Variants in BCL2 observed in about 807,000 individuals in gnomAD.
BCL2 encodes the protein BCL2 apoptosis regulator.
In BCL2, 1 loss-of-function variant was observed where a neutral mutation model predicts 14.2. The observed-to-expected ratio is 0.07, with a 90% CI of 0.02 to 0.33. BCL2 has a LOEUF of 0.33. BCL2 is among the 10% of genes least tolerant of loss of function. The pLI, the probability that BCL2 is intolerant of heterozygous loss-of-function variation, is 0.99. For synonymous variants in BCL2, 151 were observed against 137.2 expected (o/e 1.10, Z -0.70); for missense variants, 247 against 305.9 (o/e 0.81, Z 1.44).
chr18:63,134,861 T>C (rs560023445), intron 2 of BCL2, among the ~76,000 whole-genome samples: 1 of 152,318 alleles, frequency 6.6e-6, no homozygotes, highest in African/African-American at 2.4e-5. Context: ...CGAATGACTT[T>C]GATATTTTCT....
intron 2 of BCL2, among the ~76,000 whole-genome samples, chr18:63,183,946 C>G (rs1207928294): frequency 6.6e-6 from 1 of 152,178 alleles, no homozygotes; most frequent in Non-Finnish European, 1.5e-5. Context: ...GTGGAAGGAG[C>G]CTGCATGGGG....
intron 2 of BCL2, chr18:63,317,778 T>C: frequency 8.1e-7 from 1 of 1,239,140 alleles, no homozygotes; most frequent in Non-Finnish European, 1.0e-6. Context: ...TCCTGGACCT[T>C]CAGCTTGAGA....
chr18:63,302,861 A>G (rs1913008041), intron 2 of BCL2: 5 of 985,430 alleles, frequency 5.1e-6, no homozygotes, highest in South Asian at 4.7e-5. Context: ...TTCAAATGTT[A>G]TTATGGAAAC....
rs79721609 is a variant in BCL2 at position 63,295,419 on chromosome 18, A to C, written c.585+22663T>G. Among the ~76,000 whole-genome samples, 373 of 152,306 alleles carry C rather than the reference A, an allele frequency of 2.4e-3. 1 individual carries two copies. Among genetic ancestry groups the C allele is most frequent in the Non-Finnish European group, 3.7e-3 (255 of 68,026 alleles). ...CAGTGCCCCCAGCACATCAGACAGC[A>C]GAAAGAGCAGCAGTGAGAAGCAAAA... On this transcript the variant is annotated intron_variant, in intron 2 of 2. Coordinates refer to ENST00000333681, the MANE Select transcript of BCL2 (RefSeq NM_000633.3).
intron 2 of BCL2, among the ~76,000 whole-genome samples, chr18:63,197,866 T>C (rs1360518581): frequency 6.6e-6 from 1 of 151,482 alleles, no homozygotes; most frequent in Non-Finnish European, 1.5e-5. Context: ...CAAATGGGAG[T>C]GGAGAGTAGA....
chr18:63,250,033 C>T (rs756415455), intron 2 of BCL2, among the ~76,000 whole-genome samples: 13 of 152,094 alleles, frequency 8.5e-5, no homozygotes, highest in Non-Finnish European at 1.9e-4. Context: ...ACCAGGAAGC[C>T]CAAGACCACA....
intron 2 of BCL2, among the ~76,000 whole-genome samples, chr18:63,158,720 T>C (rs1914845111): frequency 6.6e-6 from 1 of 152,196 alleles, no homozygotes; most frequent in African/African-American, 2.4e-5. Context: ...TTATCATATA[T>C]AATGACACAC....
chr18:63,202,753 T>C (rs1349564027), intron 2 of BCL2, among the ~76,000 whole-genome samples: 2 of 152,366 alleles, frequency 1.3e-5, no homozygotes, highest in East Asian at 1.9e-4. Context: ...CAGTACCATA[T>C]GCACAGGCTT....
At chr18:63,193,600 G>C (rs1457856441) in intron 2 of BCL2, among the ~76,000 whole-genome samples, 1 of 150,154 alleles carries the variant, frequency 6.7e-6, no homozygotes, top group African/African-American at 2.5e-5. Context: ...GTGTGTGTGT[G>C]TGTGTGTGTG....
intron 2 of BCL2, among the ~76,000 whole-genome samples, chr18:63,169,316 C>CT (rs1568222507): frequency 0.026 from 1,969 of 75,990 alleles, 203 homozygotes; most frequent in East Asian, 0.066. Context: ...TTCTTCCTTC[C>CT]TTCCTTCTTT....
intron 2 of BCL2, among the ~76,000 whole-genome samples, chr18:63,284,426 A>G (rs1912405611): frequency 6.6e-6 from 1 of 152,214 alleles, no homozygotes; most frequent in African/African-American, 2.4e-5. Context: ...GTGTGTGCTA[A>G]GCACAGTCCC....
In BCL2 at chr18:63,318,034, C is replaced by T. The variant is rs757005204; in HGVS notation, c.585+48G>A. ...CCCACCCGCACTCCAACCCCCGCAT[C>T]TCGGACCTGTGGCCTCAGCCCAGAC... On this transcript the variant is annotated intron_variant, in intron 2 of 2. Coordinates refer to ENST00000333681, the MANE Select transcript of BCL2 (RefSeq NM_000633.3). This position sits in a 1 kb window ranked among gnomAD's most constrained non-coding sequence, Gnocchi z 7.4. 16 of 1,596,582 alleles carry T rather than the reference C, an allele frequency of 1.0e-5. No homozygotes were observed. In the South Asian group the frequency reaches 1.8e-4, roughly 18 times the overall value.
intron 2 of BCL2, among the ~76,000 whole-genome samples, chr18:63,290,909 C>A (rs1482157351): frequency 1.3e-5 from 2 of 152,126 alleles, no homozygotes; most frequent in African/African-American, 4.8e-5. Flanking sequence ...CCCTCTTTCC[C>A]AGGTCATTAT....
intron 2 of BCL2, among the ~76,000 whole-genome samples, chr18:63,136,797 C>T (rs904352786): frequency 6.6e-6 from 1 of 152,206 alleles, no homozygotes; most frequent in South Asian, 2.1e-4. Context: ...AATACCCCAG[C>T]ACTCCTAGCT....
chr18:63,216,533 C>G (rs1910209103), intron 2 of BCL2, among the ~76,000 whole-genome samples: 1 of 152,114 alleles, frequency 6.6e-6, no homozygotes, highest in Non-Finnish European at 1.5e-5. Context: ...TTGATAGGAT[C>G]CAAAAATTAC....
intron 2 of BCL2, among the ~76,000 whole-genome samples, chr18:63,235,859 G>A (rs927638387): frequency 4.6e-5 from 7 of 151,256 alleles, no homozygotes; most frequent in African/African-American, 1.7e-4. Context: ...TCACATGTGT[G>A]TATCCTTAAA....
At chr18:63,183,657 T>C (rs962034007) in intron 2 of BCL2, among the ~76,000 whole-genome samples, 1 of 152,186 alleles carries the variant, frequency 6.6e-6, no homozygotes, top group African/African-American at 2.4e-5. Flanking sequence ...AATGGCATCA[T>C]TCCATGTGTG....
chr18:63,179,840 G>C (rs1260473357), intron 2 of BCL2, among the ~76,000 whole-genome samples: 1 of 152,216 alleles, frequency 6.6e-6, no homozygotes, highest in Non-Finnish European at 1.5e-5. Context: ...AGGTATTATA[G>C]TGTTTAGAAT....
At chr18:63,228,497 T>C (rs531658723) in intron 2 of BCL2, among the ~76,000 whole-genome samples, 11 of 149,686 alleles carry the variant, frequency 7.3e-5, no homozygotes, top group East Asian at 5.8e-4. Flanking sequence ...TGACAAATTA[T>C]ATATTTTGTT....
Sources: gnomAD v4.1 joint callset for allele counts (sites outside exome capture counted in the v4.1 genomes callset) on GRCh38, gnomAD v4.1.1 for gene constraint, Gnocchi (gnomAD v3.1) non-coding constraint, MANE v1.5 for transcripts, NCBI Gene and HGNC (gene_info 2026-07-23, HGNC 2026-07-21) for gene names.